NDUFS8: variants seen among roughly 807,000 people sequenced by gnomAD.
The protein encoded by NDUFS8 is NADH:ubiquinone oxidoreductase core subunit S8.
A neutral mutation model predicts 25.6 loss-of-function variants in NDUFS8; 13 were observed. The ratio of observed to expected loss-of-function variants is 0.51; its 90% confidence interval spans 0.33 to 0.81. NDUFS8 has a LOEUF of 0.81. Ranked by LOEUF, NDUFS8 falls within the 30% of genes least tolerant of loss-of-function variation. NDUFS8 has a pLI of 0.02. For synonymous variants in NDUFS8, 119 were observed against 119.4 expected (o/e 1.00, Z 0.02); for missense variants, 257 against 300.9 (o/e 0.85, Z 1.08).
chr11:68,035,640 A>G (rs761035163), intron 5 of NDUFS8: 1 of 446,644 alleles, frequency 2.2e-6, no homozygotes, highest in South Asian at 1.6e-5. Context: ...TGAGACCCTT[A>G]GGGCAGCGGG....
At chr11:68,034,444 G>A (rs925747421) in intron 5 of NDUFS8, 2 of 152,222 alleles carry the variant, frequency 1.3e-5, no homozygotes, top group Non-Finnish European at 2.9e-5. Flanking sequence ...CATTCTTGGC[G>A]ATGTTGCAGG....
Position 68,033,230 on chromosome 11 carries a change from G to C in NDUFS8, c.319G>C (p.Gly107Arg). 6.2e-7 allele frequency: 1 copy of C among 1,611,512 alleles called. No individual in the cohort carries two copies. The highest frequency in any genetic ancestry group is 8.5e-7 in the Non-Finnish European group (1 of 1,179,478). The change falls in exon 5 of 7, where the codon GGG becomes CGG. Residue 107 changes from glycine (G) to arginine (R), a missense_variant. Gly to Arg is a moderately radical substitution (Grantham distance 125, BLOSUM62 -2). Transcript: ENST00000313468. ...GEHALRRYPS[G>R]EERCIACKLC... ...GCATGCGCTGCGCCGGTACCCATCC[G>C]GGGAGGAGCGTTGCATTGCCTGCAA...
intron 4 of NDUFS8, 21 bp from the exon 5 acceptor site, chr11:68,033,090 C>T: frequency 6.2e-7 from 1 of 1,613,068 alleles, no homozygotes; most frequent in Non-Finnish European, 8.5e-7. Flanking sequence ...CCCCTGCCCA[C>T]CACACCCGTG....
intron 1 of NDUFS8, among the ~76,000 whole-genome samples, 190 bp from the exon 2 acceptor site, chr11:68,031,962 A>C (rs1443634834): frequency 2.0e-5 from 3 of 152,250 alleles, no homozygotes; most frequent in African/African-American, 4.8e-5. Context: ...TAGCTCAGCC[A>C]AGCTGAATCA....
chr11:68,031,567 C>T lies in NDUFS8; in HGVS notation c.1-585C>T, dbSNP rs944875053. 1.7e-5 allele frequency: 3 copies of T among 179,424 alleles called. No individual in the cohort carries two copies. In the South Asian group the frequency reaches 3.1e-4, roughly 19 times the overall value. The allele number at this position is 179,424 out of a possible 1,614,324, so 11.1% of individuals were successfully genotyped here. The stretch of plus-strand genomic sequence containing the variant: ...TCCACCATGTTAGCCAGGCTGGTCT[C>T]AAACTCCTGACCTCAGGTGATCCAC... On this transcript the variant is annotated intron_variant, in intron 1 of 6. Coordinates refer to ENST00000313468, the MANE Select transcript of NDUFS8 (RefSeq NM_002496.4).
In NDUFS8 at chr11:68,030,896, T is replaced by C. The variant is rs4147777; in HGVS notation, c.-1+163T>C. 1.3e-3 allele frequency: 576 copies of C among 442,264 alleles called. 2 individuals carry two copies. The highest frequency in any genetic ancestry group is 2.2e-3 in the Middle Eastern group (6 of 2,762). The allele number at this position is 442,264 out of a possible 1,614,324, so 27.4% of individuals were successfully genotyped here. ...CCTTCAGGTGCAGCGGGGAGCCGGC[T>C]CTCAGGGCGCATGCGCCGCCCGCTC... On this transcript the variant is annotated intron_variant, in intron 1 of 6. Coordinates refer to ENST00000313468, the MANE Select transcript of NDUFS8 (RefSeq NM_002496.4).
intron 5 of NDUFS8, 174 bp from the exon 6 acceptor site, chr11:68,036,079 G>T: frequency 1.0e-6 from 1 of 979,148 alleles, no homozygotes; most frequent in Non-Finnish European, 1.5e-6. Context: ...CACGTGCTGA[G>T]GAGACAGGCG....
chr11:68,036,075 C>A, intron 5 of NDUFS8, 178 bp from the exon 6 acceptor site: 2 of 876,030 alleles, frequency 2.3e-6, no homozygotes, highest in South Asian at 1.5e-5. Context: ...AGGGCACGTG[C>A]TGAGGAGACA....
chr11:68,032,367 T>G (rs960506638), intron 3 of NDUFS8, 31 bp downstream of exon 3: 3 of 1,612,730 alleles, frequency 1.9e-6, no homozygotes, highest in Non-Finnish European at 2.5e-6. Flanking sequence ...TAGCCTCAGG[T>G]GTTCCTGACT....
chr11:68,032,271 C>A lies in NDUFS8; in HGVS notation c.59-15C>A. 1 of 1,613,806 alleles carries A rather than the reference C, an allele frequency of 6.2e-7. No individual in the cohort carries two copies. The highest frequency in any genetic ancestry group is 8.5e-7 in the Non-Finnish European group (1 of 1,180,004). On this transcript the variant is annotated splice_polypyrimidine_tract_variant and intron_variant, in intron 2 of 6. Transcript: ENST00000313468. ...TCCAGTCTCCTGGTATGACGTCACG[C>A]CCTTCTTTTTGCAGGACCTCCTGGT...
Position 68,033,232 on chromosome 11 carries a change from G to T in NDUFS8, c.321G>T (p.Gly107=). 6.2e-7 allele frequency: 1 copy of T among 1,611,582 alleles called. No individual in the cohort carries two copies. Among genetic ancestry groups the T allele is most frequent in the Non-Finnish European group, 8.5e-7 (1 of 1,179,490 alleles). Residue 107 remains glycine, a synonymous_variant, in exon 5 of 7, where the codon GGG becomes GGT. Coordinates refer to ENST00000313468, the MANE Select transcript of NDUFS8 (RefSeq NM_002496.4). ...GEHALRRYPS[G]EERCIACKLC... ...ATGCGCTGCGCCGGTACCCATCCGG[G>T]GAGGAGCGTTGCATTGCCTGCAAGC...
At chr11:68,032,587 A>T in intron 3 of NDUFS8, 1 of 1,354,674 alleles carries the variant, frequency 7.4e-7, no homozygotes, top group Non-Finnish European at 9.8e-7. Flanking sequence ...GGTGTGAGCC[A>T]TGGGTACCTG....
chr11:68,033,303 G>T lies in NDUFS8; in HGVS notation c.372+20G>T, dbSNP rs532584196. 1 of 1,593,508 alleles carries T rather than the reference G, an allele frequency of 6.3e-7. No individual in the cohort carries two copies. The highest frequency in any genetic ancestry group is 8.5e-7 in the Non-Finnish European group (1 of 1,175,088). The stretch of plus-strand genomic sequence containing the variant: ...GCCCAGGTGAGCCCCTGCCCCAACC[G>T]GCCACCACGCCAGCCCCTGCCACTG... On this transcript the variant is annotated intron_variant, in intron 5 of 6. Transcript: ENST00000313468.
intron 5 of NDUFS8, 82 bp downstream of exon 5, chr11:68,033,365 A>C: frequency 6.6e-7 from 1 of 1,504,838 alleles, no homozygotes; most frequent in Non-Finnish European, 9.0e-7. Context: ...CCCAAACCCT[A>C]GCCCCTGCTT....
intron 5 of NDUFS8, chr11:68,035,691 G>A (rs1854872042): frequency 4.4e-6 from 2 of 455,254 alleles, no homozygotes; most frequent in Non-Finnish European, 8.8e-6. Flanking sequence ...CCTCGTGAGA[G>A]GGGGTTCTTG....
intron 3 of NDUFS8, 73 bp from the exon 4 acceptor site, chr11:68,032,850 T>C (rs1417838638): frequency 7.0e-7 from 1 of 1,434,386 alleles, no homozygotes; most frequent in Non-Finnish European, 9.8e-7. Flanking sequence ...AGGGCCAGGC[T>C]GCTCTCCCTG....
Position 68,032,992 on chromosome 11 carries a change from T to C in NDUFS8, c.179T>C (p.Leu60Pro), listed in dbSNP as rs372664341. 7 of 1,613,676 alleles carry C rather than the reference T, an allele frequency of 4.3e-6. No individual in the cohort carries two copies. Among genetic ancestry groups the C allele is most frequent in the Non-Finnish European group, 5.1e-6 (6 of 1,180,004 alleles). ...SVTDRAARTLLWTELFRGLGM... is the reference protein window; with the variant it reads ...SVTDRAARTLPWTELFRGLGM... ...ACTGACCGGGCAGCCCGCACCCTGC[T>C]GTGGACTGAGCTCTTCCGAGGTGCG... The change falls in exon 4 of 7, where the codon CTG becomes CCG. Residue 60 changes from leucine to proline, a missense_variant. By Grantham distance (98) the Leu-to-Pro change is moderately conservative. Coordinates refer to ENST00000313468, the MANE Select transcript of NDUFS8 (RefSeq NM_002496.4).
chr11:68,035,608 T>A, intron 5 of NDUFS8: 1 of 368,004 alleles, frequency 2.7e-6, no homozygotes, highest in South Asian at 1.8e-5. Context: ...GGCGGGACTG[T>A]AACTCAGCAC....
rs1309828798 is a variant in NDUFS8 at position 68,036,400 on chromosome 11, T to G, written c.501+19T>G. 2 of 1,613,460 alleles carry G rather than the reference T, an allele frequency of 1.2e-6. No homozygotes were observed. Among genetic ancestry groups the G allele is most frequent in the Non-Finnish European group, 1.7e-6 (2 of 1,179,906 alleles). ...CGTCGAGGCACGTGAGGCCCCCGGG[T>G]GGGAGGGGGCCTGAGGCTCCTCAGC... On this transcript the variant is annotated intron_variant, in intron 6 of 6. Transcript: ENST00000313468.
Sources: gnomAD v4.1 joint callset for allele counts (sites outside exome capture counted in the v4.1 genomes callset) on GRCh38, gnomAD v4.1.1 for gene constraint, MANE v1.5 for transcripts, NCBI Gene and HGNC (gene_info 2026-07-23, HGNC 2026-07-21) for gene names.